Variants in HECW1 observed in about 807,000 individuals in gnomAD.
HECW1 encodes the protein E3 ubiquitin-protein ligase HECW1.
A neutral mutation model predicts 182.3 loss-of-function variants in HECW1; 61 were observed. The observed-to-expected ratio is 0.33, with a 90% confidence interval of 0.27 to 0.41. HECW1 has a LOEUF of 0.41. Ranked by LOEUF, HECW1 falls within the 10% of genes least tolerant of loss-of-function variation. The pLI is 1.00. For synonymous variants in HECW1, 859 were observed against 832.6 expected (o/e 1.03, Z -0.55); for missense variants, 1,739 against 2,108.9 (o/e 0.82, Z 3.44).
At chr7:43,512,959 G>A (rs573886333) in intron 24 of HECW1, among the ~76,000 whole-genome samples, 37 of 152,094 alleles carry the variant, frequency 2.4e-4, no homozygotes, top group Non-Finnish European at 2.2e-4. Flanking sequence ...CTTCTTCTGC[G>A]TCCCATCCTC....
intron 7 of HECW1, among the ~76,000 whole-genome samples, chr7:43,404,152 A>C (rs1584785058): frequency 6.6e-6 from 1 of 152,354 alleles, no homozygotes; most frequent in African/African-American, 2.4e-5. Context: ...AGTGCCTTTT[A>C]AATTATACCT....
intron 11 of HECW1, among the ~76,000 whole-genome samples, chr7:43,445,974 T>C (rs949443470): frequency 2.0e-5 from 3 of 152,240 alleles, no homozygotes; most frequent in Non-Finnish European, 4.4e-5. Flanking sequence ...TGTGTAAATA[T>C]CTGCTGACTT....
intron 17 of HECW1, among the ~76,000 whole-genome samples, chr7:43,487,964 A>AAGAGAG (rs142459103): frequency 0.17 from 24,969 of 147,114 alleles, 2,444 homozygotes; most frequent in South Asian, 0.26. Flanking sequence ...AAAAAAAAGG[A>AAGAGAG]AGAGAGAGAG....
chr7:43,440,589 G>T (rs977291442), intron 9 of HECW1: 1 of 152,092 alleles, frequency 6.6e-6, no homozygotes, highest in African/African-American at 2.4e-5. Flanking sequence ...TGTTAAGTGG[G>T]TGAAAAGCAA....
intron 2 of HECW1, among the ~76,000 whole-genome samples, chr7:43,165,167 G>T (rs891514881): frequency 2.0e-5 from 3 of 152,048 alleles, no homozygotes; most frequent in Admixed American, 6.5e-5. Flanking sequence ...AATTTTCCCT[G>T]GCATCTATTT....
At chr7:43,187,871 A>G (rs10232294) in intron 2 of HECW1, among the ~76,000 whole-genome samples, 36,647 of 152,064 alleles carry the variant, frequency 0.24, 4,612 homozygotes, top group Middle Eastern at 0.27. Flanking sequence ...AAAGTGATAT[A>G]CTACAGCACA....
At chr7:43,129,080 A>G (rs1786615131) in intron 2 of HECW1, among the ~76,000 whole-genome samples, 1 of 152,266 alleles carries the variant, frequency 6.6e-6, no homozygotes. Context: ...TGAAATGACA[A>G]CGAAGGATTT....
chr7:43,511,796 C>T (rs564381438), intron 24 of HECW1: 1 of 178,722 alleles, frequency 5.6e-6, no homozygotes, highest in South Asian at 2.0e-4. Context: ...CTGAGTGGCT[C>T]GTTAAGCTCT....
chr7:43,116,031 T>C (rs1333384523), intron 2 of HECW1, among the ~76,000 whole-genome samples: 1 of 152,188 alleles, frequency 6.6e-6, no homozygotes, highest in East Asian at 1.9e-4. Flanking sequence ...GTCATAAAAA[T>C]GCCCTCTAAT....
At chr7:43,431,632 A>G (rs1363629255) in intron 8 of HECW1, among the ~76,000 whole-genome samples, 1 of 152,224 alleles carries the variant, frequency 6.6e-6, no homozygotes, top group Non-Finnish European at 1.5e-5. Context: ...TGCATGGTGC[A>G]GATCCTTTAG....
chr7:43,161,039 G>A (rs1160464586), intron 2 of HECW1, among the ~76,000 whole-genome samples: 1 of 151,806 alleles, frequency 6.6e-6, no homozygotes, highest in African/African-American at 2.4e-5. Context: ...CTGGGTGTGT[G>A]AGTCCCCTGG....
At chr7:43,389,898 G>A (rs972520324) in intron 6 of HECW1, among the ~76,000 whole-genome samples, 23 of 152,206 alleles carry the variant, frequency 1.5e-4, no homozygotes, top group African/African-American at 2.6e-4. Flanking sequence ...CTCCCAAAGC[G>A]CTGAGATTAC....
intron 3 of HECW1, among the ~76,000 whole-genome samples, chr7:43,251,794 CA>C (rs753363690): frequency 1.3e-5 from 2 of 152,194 alleles, no homozygotes; most frequent in Non-Finnish European, 2.9e-5. Context: ...CTTTCTTCCC[CA>C]AATGGAATTA....
intron 2 of HECW1, among the ~76,000 whole-genome samples, chr7:43,169,887 T>C (rs543805198): frequency 2.6e-5 from 4 of 152,250 alleles, no homozygotes; most frequent in Admixed American, 2.0e-4. Flanking sequence ...GACAATCCCC[T>C]ACCTGGTGAG....
At chr7:43,506,066 C>G (rs1472206806) in intron 21 of HECW1, among the ~76,000 whole-genome samples, 2 of 152,168 alleles carry the variant, frequency 1.3e-5, no homozygotes, top group Non-Finnish European at 2.9e-5. Context: ...ACAAAGCACT[C>G]TAAATGAGAC....
intron 16 of HECW1, among the ~76,000 whole-genome samples, chr7:43,478,353 T>G (rs984878493): frequency 1.3e-5 from 2 of 152,126 alleles, no homozygotes; most frequent in African/African-American, 4.8e-5. Context: ...GAGGCAGAGG[T>G]TGCAGTGAGC....
At chr7:43,198,673 ACACACACAC>A (rs1794737768) in intron 2 of HECW1, among the ~76,000 whole-genome samples, 1 of 146,584 alleles carries the variant, frequency 6.8e-6, no homozygotes, top group African/African-American at 2.6e-5. Context: ...CCCCACACTC[ACACACACAC>A]CACACACACC....
At chr7:43,307,020 G>C (rs1807657022) in intron 3 of HECW1, among the ~76,000 whole-genome samples, 1 of 151,876 alleles carries the variant, frequency 6.6e-6, no homozygotes, top group Non-Finnish European at 1.5e-5. Context: ...ATTTAAGTTG[G>C]AAAGCAAAAC....
intron 21 of HECW1, among the ~76,000 whole-genome samples, chr7:43,506,725 C>T (rs910765464): frequency 6.6e-6 from 1 of 152,268 alleles, no homozygotes; most frequent in South Asian, 2.1e-4. Flanking sequence ...AGTTCCAGAC[C>T]AGCCTGGCCA....
Sources: allele counts gnomAD v4.1 joint callset (sites outside exome capture counted in the v4.1 genomes callset), GRCh38; gene constraint gnomAD v4.1.1; transcripts MANE v1.5; gene names NCBI Gene and HGNC (gene_info 2026-07-23, HGNC 2026-07-21).